Variants in VASN observed in about 807,000 individuals in gnomAD.
VASN encodes the protein vasorin, also known as protein slit-like 2.
A neutral mutation model predicts 4.8 loss-of-function variants in VASN; 5 were observed. That is an observed-to-expected ratio of 1.03 (90% CI 0.54 to 2.17). VASN has a LOEUF of 2.17. VASN is among the 30% of genes most tolerant of loss of function. The pLI is 0.01. For missense variants in VASN, 927 were observed against 948.8 expected, an observed-to-expected ratio of 0.98 and a Z score of 0.30; for synonymous variants, 499 against 460.8, an observed-to-expected ratio of 1.08 and a Z score of -1.06.
Position 4,381,724 on chromosome 16 carries a change from C to T in VASN, c.847C>T (p.Leu283Phe). 1 of 1,606,214 alleles carries T rather than the reference C, an allele frequency of 6.2e-7. No homozygotes were observed. Among genetic ancestry groups the T allele is most frequent in the South Asian group, 1.1e-5 (1 of 90,976 alleles). The change falls in exon 2 of 2, where the codon CTC becomes TTC. Residue 283 changes from leucine to phenylalanine, a missense_variant. Physicochemically the swap from Leu to Phe is conservative, Grantham distance 22. Transcript: ENST00000304735. The stretch of plus-strand genomic sequence containing the variant: ...AAGCCTGCAGGCCCTGCCTGGCGAC[C>T]TCTCGGGCCTCTTCCCCCGCCTGCG... Reference protein sequence around the residue: ...NLSLQALPGDLSGLFPRLRLL... With the variant: ...NLSLQALPGDFSGLFPRLRLL...
In VASN at chr16:4,382,796, G is replaced by C. The variant is rs754305537; in HGVS notation, c.1919G>C (p.Gly640Ala). Residue 640 changes from glycine (G) to alanine (A), a missense_variant, in exon 2 of 2, where the codon GGC becomes GCC. Coordinates refer to ENST00000304735, the MANE Select transcript of VASN (RefSeq NM_138440.3). Reference sequence around the variant, plus strand: ...GAGCCAGGCCCGAAGGCAACAGAGGGCGGTGGAGAGGCCCTGCCCAGCGGG... The same window carrying C: ...GAGCCAGGCCCGAAGGCAACAGAGGCCGGTGGAGAGGCCCTGCCCAGCGGG... ...PLEPGPKATEGGGEALPSGSE... is the reference protein window; with the variant it reads ...PLEPGPKATEAGGEALPSGSE... 1.3e-6 allele frequency: 2 copies of C among 1,587,844 alleles called. No individual in the cohort carries two copies. Among genetic ancestry groups the C allele is most frequent in the Non-Finnish European group, 1.7e-6 (2 of 1,168,064 alleles).
intron 1 of VASN, among the ~76,000 whole-genome samples, chr16:4,379,102 G>C (rs945751285): frequency 2.6e-5 from 4 of 152,072 alleles, no homozygotes; most frequent in Admixed American, 1.3e-4. Context: ...TGGGGGAGAG[G>C]GAGCCCTATG....
At position 4,382,380 on chromosome 16, in the gene VASN, A is replaced by C. The variant is rs774853515; in HGVS notation, c.1503A>C (p.Leu501=). ...GCCTCCGTCTCACCTATCGCAACCTATCGGGCCCTGATAAGCGGCTGGTGA... is the reference window on the plus strand; with the variant it reads ...GCCTCCGTCTCACCTATCGCAACCTCTCGGGCCCTGATAAGCGGCTGGTGA... ...LRSLRLTYRN[L]SGPDKRLVTL... Residue 501 remains leucine, a synonymous_variant, in exon 2 of 2, where the codon CTA becomes CTC. Transcript: ENST00000304735. The C allele has an allele frequency of 6.8e-6, 11 of 1,612,188 alleles. No homozygotes were observed. In the South Asian group the frequency reaches 7.7e-5, roughly 11 times the overall value.
At chr16:4,373,766 C>T (rs2054616729) in intron 1 of VASN, among the ~76,000 whole-genome samples, 2 of 152,138 alleles carry the variant, frequency 1.3e-5, no homozygotes, top group South Asian at 4.1e-4. Flanking sequence ...CCTCTGGGAA[C>T]AAGAAAGCAG....
intron 1 of VASN, among the ~76,000 whole-genome samples, chr16:4,377,370 C>T (rs1454109051): frequency 1.3e-5 from 2 of 152,134 alleles, no homozygotes; most frequent in African/African-American, 2.4e-5. Context: ...GGGTGGGCGG[C>T]GGCAACCACC....
intron 1 of VASN, among the ~76,000 whole-genome samples, chr16:4,373,575 C>T (rs1328297455): frequency 6.6e-6 from 1 of 152,180 alleles, no homozygotes; most frequent in East Asian, 1.9e-4. Flanking sequence ...CTCTGGCACG[C>T]AGCCCAGGGG....
intron 1 of VASN, among the ~76,000 whole-genome samples, chr16:4,377,496 C>T (rs1024782943): frequency 3.9e-5 from 6 of 152,202 alleles, no homozygotes; most frequent in Admixed American, 3.3e-4. Context: ...TGAAAACAAA[C>T]AGAACAACAG....
chr16:4,374,436 G>C (rs1436631440), intron 1 of VASN, among the ~76,000 whole-genome samples: 1 of 152,084 alleles, frequency 6.6e-6, no homozygotes, highest in South Asian at 2.1e-4. Flanking sequence ...TATTCTTCAG[G>C]GTTCGGGACG....
chr16:4,376,735 TC>T (rs1001873282), intron 1 of VASN, among the ~76,000 whole-genome samples: 1 of 152,066 alleles, frequency 6.6e-6, no homozygotes, highest in African/African-American at 2.4e-5. Flanking sequence ...ATAGGGCCCC[TC>T]CCTGAAGTCC....
At chr16:4,376,889 A>C (rs78351926) in intron 1 of VASN, among the ~76,000 whole-genome samples, 1 of 152,190 alleles carries the variant, frequency 6.6e-6, no homozygotes, top group Non-Finnish European at 1.5e-5. Context: ...AGCTGGCCTG[A>C]AACCCTCTCC....
chr16:4,373,632 G>A lies in VASN; in HGVS notation c.-10+1639G>A, dbSNP rs146302980. ...TGCCCCGGGCAGGAGATGGGTCCGC[G>A]GCTCCTAGCTCCCATTACTGTCACC... On this transcript the variant is annotated intron_variant, in intron 1 of 1. Coordinates refer to ENST00000304735, the MANE Select transcript of VASN (RefSeq NM_138440.3). Among the ~76,000 whole-genome samples the A allele has an allele frequency of 3.3e-3, 504 of 152,274 alleles. 5 individuals are homozygous for A. The highest frequency in any genetic ancestry group is 0.012 in the African/African-American group (482 of 41,536).
chr16:4,375,121 C>T (rs540716038), intron 1 of VASN, among the ~76,000 whole-genome samples: 158 of 151,974 alleles, frequency 1.0e-3, no homozygotes, highest in African/African-American at 3.7e-3. Context: ...TACGATGGCA[C>T]GTCCCACCGC....
chr16:4,376,161 AG>A (rs1433349057), intron 1 of VASN, among the ~76,000 whole-genome samples: 2 of 152,126 alleles, frequency 1.3e-5, no homozygotes, highest in Non-Finnish European at 2.9e-5. Context: ...CCCTTCTGTG[AG>A]GGCCCACGAC....
intron 1 of VASN, among the ~76,000 whole-genome samples, chr16:4,373,312 T>A (rs1462692854): frequency 1.3e-5 from 2 of 151,924 alleles, no homozygotes; most frequent in Non-Finnish European, 2.9e-5. Flanking sequence ...GGAGGGAGGA[T>A]GCGCACACAC....
Position 4,381,884 on chromosome 16 carries a change from GC to G in VASN, c.1009del (p.Arg337GlyfsTer64). On this transcript the variant is annotated frameshift_variant, in exon 2 of 2. Coordinates refer to ENST00000304735, the MANE Select transcript of VASN (RefSeq NM_138440.3). LOFTEE classifies it low-confidence loss of function (END_TRUNC). ...TRCHFPPKNAGRLLLELDYAD... is the reference protein window; with the variant it reads ...TRCHFPPKNAXRLLLELDYAD... ...TGCCACTTCCCGCCCAAGAACGCTGGCCGGCTGCTCCTGGAGCTTGACTACG... is the reference window on the plus strand; with the variant it reads ...TGCCACTTCCCGCCCAAGAACGCTGGCGGCTGCTCCTGGAGCTTGACTACG... 6.2e-7 allele frequency: 1 copy of G among 1,604,966 alleles called. No individual in the cohort carries two copies. The highest frequency in any genetic ancestry group is 2.2e-5 in the East Asian group (1 of 44,838).
Position 4,381,780 on chromosome 16 carries a change from CTGCGTG to C in VASN, c.907_912del (p.Val303_Cys304del). On this transcript the variant is annotated inframe_deletion, in exon 2 of 2. Coordinates refer to ENST00000304735, the MANE Select transcript of VASN (RefSeq NM_138440.3). ...TGGCAGCTGCCCGCAACCCCTTCAACTGCGTGTGCCCCCTGAGCTGGTTTGGCCCCT... is the reference window on the plus strand; with the variant it reads ...TGGCAGCTGCCCGCAACCCCTTCAACTGCCCCCTGAGCTGGTTTGGCCCCT... 6.2e-7 allele frequency: 1 copy of C among 1,601,006 alleles called. No individual in the cohort carries two copies. The highest frequency in any genetic ancestry group is 8.5e-7 in the Non-Finnish European group (1 of 1,179,358).
chr16:4,377,032 G>A (rs557049153), intron 1 of VASN, among the ~76,000 whole-genome samples: 2 of 152,212 alleles, frequency 1.3e-5, no homozygotes, highest in Admixed American at 6.5e-5. Context: ...CAGGCACCAC[G>A]AGCACCACGA....
chr16:4,382,545 C>T lies in VASN; in HGVS notation c.1668C>T (p.Pro556=), dbSNP rs1171553592. The T allele has an allele frequency of 1.9e-6, 3 of 1,593,270 alleles. No individual in the cohort carries two copies. Among genetic ancestry groups the T allele is most frequent in the South Asian group, 2.3e-5 (2 of 88,262 alleles). The change falls in exon 2 of 2, where the codon CCC becomes CCT. Residue 556 remains proline, a synonymous_variant. Coordinates refer to ENST00000304735, the MANE Select transcript of VASN (RefSeq NM_138440.3). ...GEEACGEAHT[P]PAVHSNHAPV... ...AGGCCTGCGGGGAGGCCCATACACC[C>T]CCAGCCGTCCACTCCAACCACGCCC...
chr16:4,381,448 A>G lies in VASN; in HGVS notation c.571A>G (p.Thr191Ala), dbSNP rs760693656. 8.2e-6 allele frequency: 13 copies of G among 1,580,568 alleles called. No individual in the cohort carries two copies. The Middle Eastern group carries it at 6.6e-4, about 81-fold the overall frequency. ...LLALEPGILD[T>A]ANVEALRLAG... ...GGCCCTGGAGCCCGGCATCCTGGACACTGCCAACGTGGAGGCGCTGCGGCT... is the reference window on the plus strand; with the variant it reads ...GGCCCTGGAGCCCGGCATCCTGGACGCTGCCAACGTGGAGGCGCTGCGGCT... Residue 191 changes from threonine to alanine, a missense_variant, in exon 2 of 2, where the codon ACT (threonine) becomes GCT (alanine). Transcript: ENST00000304735.
Sources: allele counts gnomAD v4.1 joint callset (sites outside exome capture counted in the v4.1 genomes callset), GRCh38; gene constraint gnomAD v4.1.1; transcripts MANE v1.5; gene names NCBI Gene and HGNC (gene_info 2026-07-23, HGNC 2026-07-21).